UBXN10: variants seen among roughly 807,000 people sequenced by gnomAD.
UBXN10 encodes the protein UBX domain-containing protein 10.
In UBXN10, 6 loss-of-function variants were observed where a neutral mutation model predicts 6.9. That is an observed-to-expected ratio of 0.87 (90% CI 0.48 to 1.72). UBXN10 has a LOEUF of 1.72. Among genes scored for constraint, UBXN10 ranks in the 40% most tolerant of loss-of-function variants. UBXN10 has a pLI of 0.01. For synonymous variants in UBXN10, 131 were observed against 135.2 expected (o/e 0.97, Z 0.21); for missense variants, 317 against 348.4 (o/e 0.91, Z 0.72).
Position 20,195,602 on chromosome 1 carries a change from TC to T in UBXN10, c.*4199del, listed in dbSNP as rs1181696623. ...ACCAATATCGCCAACGTGGATTGTT[TC>T]TGCAAAAACAAACAAGCAAACAACC... is the stretch of plus-strand genomic sequence containing the variant. On this transcript the variant is annotated 3_prime_UTR_variant, in exon 2 of 2. Transcript: ENST00000375099. 1.6e-4 allele frequency: 26 copies of T among 167,120 alleles called. No homozygotes were observed. Among genetic ancestry groups the T allele is most frequent in the African/African-American group, 5.8e-4 (24 of 41,466 alleles). 10.4% of individuals were successfully genotyped at this position (167,120 alleles called of 1,614,324 possible).
chr1:20,193,771 G>A lies in UBXN10; in HGVS notation c.*2367G>A, dbSNP rs1481568735. 1 of 167,062 alleles carries A rather than the reference G, an allele frequency of 6.0e-6. No homozygotes were observed. The highest frequency in any genetic ancestry group is 1.9e-4 in the East Asian group (1 of 5,198). 10.3% of individuals were successfully genotyped at this position (167,062 alleles called of 1,614,324 possible). A position where few individuals can be genotyped will look rare whatever the true frequency, so the allele number is the denominator to read the frequency against. Reference sequence around the variant, plus strand: ...GAATTTTTCCTAAACATCATTCCAAGTACTCTGATTTTGGGGATTGGCAAG... The same window carrying A: ...GAATTTTTCCTAAACATCATTCCAAATACTCTGATTTTGGGGATTGGCAAG... On this transcript the variant is annotated 3_prime_UTR_variant, in exon 2 of 2. Coordinates refer to ENST00000375099, the MANE Select transcript of UBXN10 (RefSeq NM_152376.5).
chr1:20,190,684 C>T lies in UBXN10; in HGVS notation c.123C>T (p.Ser41=), dbSNP rs370461087. 2.2e-5 allele frequency: 36 copies of T among 1,614,146 alleles called. No homozygotes were observed. In the East Asian group the frequency reaches 4.9e-4, roughly 22 times the overall value. ...SLNMHMIRPK[S]AKGRTRPSLQ... is the part of the protein sequence containing the mutation. Reference sequence around the variant, plus strand: ...ATATGCACATGATAAGGCCCAAGTCCGCCAAGGGACGGACAAGACCGAGTC... The same window carrying T: ...ATATGCACATGATAAGGCCCAAGTCTGCCAAGGGACGGACAAGACCGAGTC... The change falls in exon 2 of 2, where the codon TCC becomes TCT. Residue 41 remains serine, a synonymous_variant. Transcript: ENST00000375099.
chr1:20,191,019 C>T lies in UBXN10; in HGVS notation c.458C>T (p.Thr153Met), dbSNP rs200733943. The change falls in exon 2 of 2, where the codon ACG becomes ATG. Residue 153 changes from threonine to methionine, a missense_variant. Physicochemically the swap from Thr to Met is moderately conservative, Grantham distance 81. Transcript: ENST00000375099. The surrounding 1 kb of genome is among the most constrained non-coding windows in gnomAD (Gnocchi z 4.5). ...SSIRALYQDE[T>M]GTMKTSEEDS... ...ATCCGGGCTCTTTACCAAGACGAGA[C>T]GGGCACCATGAAGACAAGTGAAGAA... 1.9e-5 allele frequency: 31 copies of T among 1,614,022 alleles called. No individual in the cohort carries two copies. Among genetic ancestry groups the T allele is most frequent in the African/African-American group, 5.3e-5 (4 of 74,912 alleles).
Position 20,190,693 on chromosome 1 carries a change from A to T in UBXN10, c.132A>T (p.Gly44=), listed in dbSNP as rs764803428. ...TGATAAGGCCCAAGTCCGCCAAGGG[A>T]CGGACAAGACCGAGTCTGCAGAAAT... ...MHMIRPKSAK[G]RTRPSLQKSQ... The change falls in exon 2 of 2, where the codon GGA becomes GGT. Residue 44 remains glycine, a synonymous_variant. Transcript: ENST00000375099. 9.3e-6 allele frequency: 15 copies of T among 1,614,158 alleles called. No individual in the cohort carries two copies. The highest frequency in any genetic ancestry group is 1.3e-5 in the Non-Finnish European group (15 of 1,180,032).
chr1:20,195,670 G>A lies in UBXN10; in HGVS notation c.*4266G>A, dbSNP rs2018586784. ...ACATGGCAGGCAGGGGAAAGACACT[G>A]ACCAGCAGGAACATTCCCATCAAGG... On this transcript the variant is annotated 3_prime_UTR_variant, in exon 2 of 2. Transcript: ENST00000375099. 6.0e-6 allele frequency: 1 copy of A among 167,112 alleles called. No homozygotes were observed. Among genetic ancestry groups the A allele is most frequent in the Non-Finnish European group, 1.5e-5 (1 of 68,122 alleles). 10.4% of individuals were successfully genotyped at this position (167,112 alleles called of 1,614,324 possible). A position where few individuals can be genotyped will look rare whatever the true frequency, so the allele number is the denominator to read the frequency against.
rs992170498 is a variant in UBXN10, at chr1:20,187,591, G to T, written c.-16+1438G>T. 6.6e-6 allele frequency among the ~76,000 whole-genome samples: 1 copy of T among 152,196 alleles called. No homozygotes were observed. Among genetic ancestry groups the T allele is most frequent in the Non-Finnish European group, 1.5e-5 (1 of 68,026 alleles). On this transcript the variant is annotated intron_variant, in intron 1 of 1. Coordinates refer to ENST00000375099, the MANE Select transcript of UBXN10 (RefSeq NM_152376.5). The surrounding 1 kb of genome is among the most constrained non-coding windows in gnomAD (Gnocchi z 4.6). ...CCCTGTGCTCGGGAGGAGGCAGTGG[G>T]TTATGAAAGCAGGTTGGATATAATG...
rs564636310 is a variant in UBXN10, at chr1:20,195,209, G to A, written c.*3805G>A. The A allele has an allele frequency of 2.4e-5, 4 of 167,244 alleles. No homozygotes were observed. In the East Asian group the frequency reaches 7.7e-4, roughly 32 times the overall value. 10.4% of individuals were successfully genotyped at this position (167,244 alleles called of 1,614,324 possible). ...TGTTCAAACAGTTTAGGAAGCAGCA[G>A]CCCTCCTAACAGTCGACGCGGAAGC... On this transcript the variant is annotated 3_prime_UTR_variant, in exon 2 of 2. Coordinates refer to ENST00000375099, the MANE Select transcript of UBXN10 (RefSeq NM_152376.5).
chr1:20,190,279 C>T (rs2018467451), intron 1 of UBXN10, among the ~76,000 whole-genome samples: 1 of 152,094 alleles, frequency 6.6e-6, no homozygotes, highest in African/African-American at 2.4e-5. Flanking sequence ...GCGGTTGTTA[C>T]TCTTTGAAAA....
rs751072549 is a variant in UBXN10, at chr1:20,191,197, ACGC to A, written c.638_640del (p.Arg213del). 3.1e-6 allele frequency: 5 copies of A among 1,614,102 alleles called. No homozygotes were observed. The highest frequency in any genetic ancestry group is 1.3e-5 in the African/African-American group (1 of 74,918). ...GATCACCAACAGGCCAAAGGTTTGT[ACGC>A]CATTTCCGGCCAACAGATGATTTGC... On this transcript the variant is annotated inframe_deletion, in exon 2 of 2. Transcript: ENST00000375099. The surrounding 1 kb of genome is among the most constrained non-coding windows in gnomAD (Gnocchi z 4.5).
At position 20,192,961 on chromosome 1, in the gene UBXN10, A is replaced by G. The variant is rs990077488; in HGVS notation, c.*1557A>G. ...TCATTCTAGAATAGGTTATTTCTGA[A>G]TGTTTTATAGAATTTCTTAATACCA... is the stretch of plus-strand genomic sequence containing the variant. On this transcript the variant is annotated 3_prime_UTR_variant, in exon 2 of 2. Coordinates refer to ENST00000375099, the MANE Select transcript of UBXN10 (RefSeq NM_152376.5). The G allele has an allele frequency of 6.0e-6, 1 of 167,100 alleles. No individual in the cohort carries two copies. Among genetic ancestry groups the G allele is most frequent in the Non-Finnish European group, 1.5e-5 (1 of 68,126 alleles). 10.4% of individuals were successfully genotyped at this position (167,100 alleles called of 1,614,324 possible). A position where few individuals can be genotyped will look rare whatever the true frequency, so the allele number is the denominator to read the frequency against.
At position 20,192,561 on chromosome 1, in the gene UBXN10, G is replaced by A. The variant is rs1327448585; in HGVS notation, c.*1157G>A. 1 of 167,104 alleles carries A rather than the reference G, an allele frequency of 6.0e-6. No homozygotes were observed. Among genetic ancestry groups the A allele is most frequent in the African/African-American group, 2.4e-5 (1 of 41,458 alleles). 10.4% of individuals were successfully genotyped at this position (167,104 alleles called of 1,614,324 possible). A position where few individuals can be genotyped will look rare whatever the true frequency, so the allele number is the denominator to read the frequency against. On this transcript the variant is annotated 3_prime_UTR_variant, in exon 2 of 2. Coordinates refer to ENST00000375099, the MANE Select transcript of UBXN10 (RefSeq NM_152376.5). ...TTCGAAGTGCTGATGTGGACAGTTTGCCAATGTTCTCTTCTATTGCAAGTT... is the reference window on the plus strand; with the variant it reads ...TTCGAAGTGCTGATGTGGACAGTTTACCAATGTTCTCTTCTATTGCAAGTT...
At chr1:20,184,639 G>T (rs993354514), upstream of UBXN10, 1 of 152,336 alleles carries the variant, frequency 6.6e-6, no homozygotes, top group Admixed American at 6.5e-5. Context: ...GAGAGAATCA[G>T]AAGACATTAG....
Position 20,191,155 on chromosome 1 carries a change from G to T in UBXN10, c.594G>T (p.Arg198Ser). ...NLEEPSDQEPRLLLAVRSPTG... is the reference protein window; with the variant it reads ...NLEEPSDQEPSLLLAVRSPTG... ...AGGAACCATCGGACCAAGAACCAAG[G>T]TTGCTGCTTGCTGTTAGATCACCAA... Residue 198 changes from arginine to serine, a missense_variant, in exon 2 of 2, where the codon AGG becomes AGT. Arg to Ser is a moderately radical substitution (Grantham distance 110, BLOSUM62 -1). Transcript: ENST00000375099. This position sits in a 1 kb window ranked among gnomAD's most constrained non-coding sequence, Gnocchi z 4.5. The T allele has an allele frequency of 6.2e-7, 1 of 1,614,210 alleles. No homozygotes were observed. Among genetic ancestry groups the T allele is most frequent in the Non-Finnish European group, 8.5e-7 (1 of 1,180,042 alleles).
At position 20,190,632 on chromosome 1, in the gene UBXN10, G is replaced by A; in HGVS notation, c.71G>A (p.Ser24Asn). ...CSTVVSTAVD[S>N]LIWQPNSLNM... is the part of the protein sequence containing the mutation. ...ACTGTTGTCAGCACAGCAGTTGACA[G>A]CCTCATTTGGCAGCCAAACTCACTA... The change falls in exon 2 of 2, where the codon AGC (serine) becomes AAC (asparagine). Residue 24 changes from serine (S) to asparagine (N), a missense_variant. By Grantham distance (46) the Ser-to-Asn change is conservative (BLOSUM62 1). Coordinates refer to ENST00000375099, the MANE Select transcript of UBXN10 (RefSeq NM_152376.5). The A allele has an allele frequency of 1.2e-6, 2 of 1,613,832 alleles. No homozygotes were observed. Among genetic ancestry groups the A allele is most frequent in the Non-Finnish European group, 1.7e-6 (2 of 1,180,004 alleles).
rs2018565895 is a variant in UBXN10, at chr1:20,194,395, C to G, written c.*2991C>G. Reference sequence around the variant, plus strand: ...TGGTTATAACACAACAGATCTTGCCCTGAGAATATCTGGGGACCCAGCCAA... The same window carrying G: ...TGGTTATAACACAACAGATCTTGCCGTGAGAATATCTGGGGACCCAGCCAA... On this transcript the variant is annotated 3_prime_UTR_variant, in exon 2 of 2. Coordinates refer to ENST00000375099, the MANE Select transcript of UBXN10 (RefSeq NM_152376.5). The G allele has an allele frequency of 6.0e-6, 1 of 167,060 alleles. No individual in the cohort carries two copies. The highest frequency in any genetic ancestry group is 2.4e-5 in the African/African-American group (1 of 41,452). 10.3% of individuals were successfully genotyped at this position (167,060 alleles called of 1,614,324 possible).
chr1:20,187,722 T>C lies in UBXN10; in HGVS notation c.-16+1569T>C, dbSNP rs1174617926. ...GAGATAGCTCACAGTCATGTTATCT[T>C]ATGACCAGGGTGTCTTGAATATGAC... On this transcript the variant is annotated intron_variant, in intron 1 of 1. Transcript: ENST00000375099. This position sits in a 1 kb window ranked among gnomAD's most constrained non-coding sequence, Gnocchi z 4.6. Among the ~76,000 whole-genome samples, 1 of 152,232 alleles carries C rather than the reference T, an allele frequency of 6.6e-6. No individual in the cohort carries two copies. Among genetic ancestry groups the C allele is most frequent in the Non-Finnish European group, 1.5e-5 (1 of 68,036 alleles).
At chr1:20,184,801 T>C (rs1569942677), upstream of UBXN10, among the ~76,000 whole-genome samples, 1 of 148,466 alleles carries the variant, frequency 6.7e-6, no homozygotes, top group Admixed American at 6.7e-5. Context: ...GGGAGGGAGG[T>C]GGGAGAGGGA....
At position 20,191,548 on chromosome 1, in the gene UBXN10, C is replaced by G. The variant is rs981406486; in HGVS notation, c.*144C>G. ...GGGACTCTCGTCTGCACTGCGTGTC[C>G]TCTGAAGCAGTGAAGTCTGTGCCTA... On this transcript the variant is annotated 3_prime_UTR_variant, in exon 2 of 2. Coordinates refer to ENST00000375099, the MANE Select transcript of UBXN10 (RefSeq NM_152376.5). The surrounding 1 kb of genome is among the most constrained non-coding windows in gnomAD (Gnocchi z 4.5). 3 of 1,299,546 alleles carry G rather than the reference C, an allele frequency of 2.3e-6. No individual in the cohort carries two copies. The highest frequency in any genetic ancestry group is 5.3e-5 in the Admixed American group (2 of 37,944). The allele number at this position is 1,299,546 out of a possible 1,614,324, so 80.5% of individuals were successfully genotyped here.
intron 1 of UBXN10, among the ~76,000 whole-genome samples, chr1:20,188,321 G>A (rs2018434023): frequency 6.6e-6 from 1 of 152,184 alleles, no homozygotes; most frequent in Non-Finnish European, 1.5e-5. Context: ...AGTGGAGAGA[G>A]ACTCAGGCTG....
Sources: gnomAD v4.1 joint callset for allele counts (sites outside exome capture counted in the v4.1 genomes callset) on GRCh38, gnomAD v4.1.1 for gene constraint, Gnocchi (gnomAD v3.1) non-coding constraint, MANE v1.5 for transcripts, NCBI Gene and HGNC (gene_info 2026-07-23, HGNC 2026-07-21) for gene names.